The following FUT9 variants were observed in gnomAD, a reference collection of about 807,000 sequenced individuals.
FUT9 encodes the protein 4-galactosyl-N-acetylglucosaminide 3-alpha-L-fucosyltransferase 9.
In FUT9, 15 loss-of-function variants were observed where a neutral mutation model predicts 29.7. The ratio of observed to expected loss-of-function variants is 0.51; its 90% CI spans 0.34 to 0.78. The LOEUF (loss-of-function observed/expected upper bound fraction) is 0.78, where lower values mean the gene tolerates loss of function less well. Among genes scored for constraint, FUT9 ranks in the 30% least tolerant of loss-of-function variants. FUT9 has a pLI of 0.01. For synonymous variants in FUT9, 169 were observed against 153.7 expected (o/e 1.10, Z -0.74); for missense variants, 319 against 425.4 (o/e 0.75, Z 2.20).
intron 2 of FUT9, among the ~76,000 whole-genome samples, chr6:96,117,466 G>T (rs1251367006): frequency 1.3e-5 from 2 of 152,186 alleles, no homozygotes; most frequent in South Asian, 2.1e-4. Flanking sequence ...TAGAAGCAGT[G>T]ATACCACATT....
chr6:96,078,405 C>CTGATTT (rs1201729276), intron 1 of FUT9, among the ~76,000 whole-genome samples: 495 of 45,154 alleles, frequency 0.011, 18 homozygotes, highest in South Asian at 0.028. Context: ...TCATATTAGT[C>CTGATTT]TTCTTTTTTT....
At chr6:96,093,750 T>C (rs1414807747) in intron 1 of FUT9, among the ~76,000 whole-genome samples, 1 of 152,150 alleles carries the variant, frequency 6.6e-6, no homozygotes, top group Admixed American at 6.6e-5. Flanking sequence ...AAATGAACTT[T>C]TAAAATATTA....
chr6:96,033,100 T>C (rs1385650674), intron 1 of FUT9, among the ~76,000 whole-genome samples: 2 of 151,660 alleles, frequency 1.3e-5, no homozygotes, highest in Non-Finnish European at 3.0e-5. Context: ...TGAAATTCTG[T>C]ATAATTAATT....
intron 1 of FUT9, among the ~76,000 whole-genome samples, chr6:96,105,559 C>T (rs1267394017): frequency 6.6e-6 from 1 of 152,104 alleles, no homozygotes; most frequent in Non-Finnish European, 1.5e-5. Flanking sequence ...TAAATTTTAT[C>T]ATTTGATTAT....
In FUT9 at chr6:96,214,624, GC is replaced by G. The variant is rs1774003102; in HGVS notation, c.*10390del. ...TCTTTTATTCAGAAAACATACCTGT[GC>G]TTTTGAAAGGGCTTAATCCCAAACA... On this transcript the variant is annotated 3_prime_UTR_variant, in exon 3 of 3. Transcript: ENST00000302103. The G allele has an allele frequency of 6.0e-6, 1 of 166,842 alleles. No individual in the cohort carries two copies. The highest frequency in any genetic ancestry group is 6.6e-5 in the Admixed American group (1 of 15,240). 10.3% of individuals were successfully genotyped at this position (166,842 alleles called of 1,614,324 possible).
Position 96,124,397 on chromosome 6 carries a change from A to G in FUT9, c.-9+10270A>G, listed in dbSNP as rs988699220. ...GATCCTCTGACCTTGTGATCAGCCC[A>G]CCTCGGCCTCCCAAAGTGCTGGGAT... On this transcript the variant is annotated intron_variant, in intron 2 of 2. Transcript: ENST00000302103. Among the ~76,000 whole-genome samples the G allele has an allele frequency of 8.6e-5, 13 of 151,976 alleles. 1 individual carries two copies. In the South Asian group the frequency reaches 1.5e-3, roughly 17 times the overall value.
At chr6:96,149,745 T>C (rs1772642283) in intron 2 of FUT9, among the ~76,000 whole-genome samples, 1 of 152,228 alleles carries the variant, frequency 6.6e-6, no homozygotes, top group Admixed American at 6.5e-5. Context: ...TGTACATATT[T>C]ATGTATATGT....
chr6:96,049,941 C>A (rs1319837512), intron 1 of FUT9, among the ~76,000 whole-genome samples: 1 of 152,054 alleles, frequency 6.6e-6, no homozygotes, highest in East Asian at 1.9e-4. Context: ...TTCTACAGGG[C>A]AGATATAATC....
At chr6:96,040,981 G>A (rs1180476404) in intron 1 of FUT9, among the ~76,000 whole-genome samples, 1 of 152,100 alleles carries the variant, frequency 6.6e-6, no homozygotes, top group East Asian at 1.9e-4. Flanking sequence ...GAGCCTACAT[G>A]TGTCTTTACC....
intron 1 of FUT9, among the ~76,000 whole-genome samples, chr6:96,110,344 T>C (rs1170859228): frequency 6.6e-6 from 1 of 152,146 alleles, no homozygotes; most frequent in Admixed American, 6.5e-5. Flanking sequence ...CTCAACTTAT[T>C]ATCCATATTG....
At chr6:96,184,450 T>G (rs1773368547) in intron 2 of FUT9, among the ~76,000 whole-genome samples, 1 of 152,084 alleles carries the variant, frequency 6.6e-6, no homozygotes, top group African/African-American at 2.4e-5. Context: ...TTCAATTTCT[T>G]TTAGTTCTGC....
intron 1 of FUT9, among the ~76,000 whole-genome samples, chr6:96,046,053 T>A (rs7768551): frequency 6.6e-6 from 1 of 151,426 alleles, no homozygotes; most frequent in African/African-American, 2.4e-5. Flanking sequence ...TTTCTTTGTA[T>A]GTATATATGT....
At chr6:96,022,833 G>C (rs1197577523) in intron 1 of FUT9, among the ~76,000 whole-genome samples, 1 of 151,874 alleles carries the variant, frequency 6.6e-6, no homozygotes, top group Non-Finnish European at 1.5e-5. Flanking sequence ...CCAGTAGCAA[G>C]CTAATAGCTG....
chr6:96,158,671 C>G (rs1272040331), intron 2 of FUT9, among the ~76,000 whole-genome samples: 1 of 152,052 alleles, frequency 6.6e-6, no homozygotes, highest in African/African-American at 2.4e-5. Context: ...TCTGGAGAGA[C>G]TTAAAGAATC....
At chr6:96,139,594 G>C (rs1259485753) in intron 2 of FUT9, among the ~76,000 whole-genome samples, 6 of 152,136 alleles carry the variant, frequency 3.9e-5, no homozygotes, top group Non-Finnish European at 5.9e-5. Flanking sequence ...CGCCCCTGCG[G>C]CAAACTTCTG....
intron 1 of FUT9, among the ~76,000 whole-genome samples, chr6:96,091,249 T>G (rs1410456516): frequency 2.6e-5 from 4 of 152,066 alleles, no homozygotes; most frequent in Non-Finnish European, 5.9e-5. Flanking sequence ...CCATAAATGT[T>G]TAACCTAAAT....
chr6:96,160,273 T>C lies in FUT9; in HGVS notation c.-8-42875T>C, dbSNP rs188719941. 5.7e-3 allele frequency among the ~76,000 whole-genome samples: 866 copies of C among 152,132 alleles called. 7 individuals are homozygous for C. Among genetic ancestry groups the C allele is most frequent in the Admixed American group, 8.8e-3 (135 of 15,272 alleles). On this transcript the variant is annotated intron_variant, in intron 2 of 2. Transcript: ENST00000302103. ...TCTGATGAAGAGTCAGGGGAAAGAG[T>C]GGGGAGGAAACTGTGAGTAAAGTTC...
chr6:96,042,609 GT>G (rs548822398), intron 1 of FUT9, among the ~76,000 whole-genome samples: 1 of 151,752 alleles, frequency 6.6e-6, no homozygotes, highest in Non-Finnish European at 1.5e-5. Context: ...TTTTACAGCT[GT>G]TTTTTTTAGT....
intron 1 of FUT9, among the ~76,000 whole-genome samples, chr6:96,095,478 A>G (rs1229499783): frequency 1.3e-5 from 2 of 152,134 alleles, no homozygotes; most frequent in Non-Finnish European, 2.9e-5. Context: ...CAGCTGCTAC[A>G]TTAATGAATT....
Sources: gnomAD v4.1 joint callset for allele counts (sites outside exome capture counted in the v4.1 genomes callset) on GRCh38, gnomAD v4.1.1 for gene constraint, MANE v1.5 for transcripts, NCBI Gene and HGNC (gene_info 2026-07-23, HGNC 2026-07-21) for gene names.